The following VPS13B variants were observed in gnomAD, a reference collection of about 807,000 sequenced individuals.
VPS13B encodes intermembrane lipid transfer protein VPS13B.
VPS13B carries 285 observed loss-of-function variants against 426.4 expected under a neutral mutation model. The ratio of observed to expected loss-of-function variants is 0.67; its 90% CI spans 0.61 to 0.74. VPS13B has a LOEUF of 0.74. Among genes scored for constraint, VPS13B ranks in the 30% least tolerant of loss-of-function variants. The pLI, the probability that VPS13B is intolerant of heterozygous loss-of-function variation, is 0.00. For missense variants in VPS13B, 4,537 were observed against 4,782.6 expected, an observed-to-expected ratio of 0.95 and a Z score of 1.51; for synonymous variants, 1,676 against 1,676.4, an observed-to-expected ratio of 1.00 and a Z score of 0.01.
intron 19 of VPS13B, among the ~76,000 whole-genome samples, chr8:99,372,023 G>A (rs923873579): frequency 2.6e-5 from 4 of 151,916 alleles, no homozygotes; most frequent in African/African-American, 9.7e-5. Flanking sequence ...AGGCCGAGGC[G>A]GGCGGATCAC....
chr8:99,423,263 A>ATT (rs770430651), intron 21 of VPS13B, among the ~76,000 whole-genome samples: 1 of 145,210 alleles, frequency 6.9e-6, no homozygotes. Flanking sequence ...GTATGTGTGA[A>ATT]TTTTTTTTTT....
At chr8:99,098,555 A>C (rs984173594) in intron 4 of VPS13B, among the ~76,000 whole-genome samples, 1 of 152,078 alleles carries the variant, frequency 6.6e-6, no homozygotes, top group African/African-American at 2.4e-5. Context: ...TGTTATTTTT[A>C]GTTTTGTAAA....
chr8:99,768,423 C>A (rs1255694254), intron 40 of VPS13B, among the ~76,000 whole-genome samples: 1 of 152,172 alleles, frequency 6.6e-6, no homozygotes, highest in Non-Finnish European at 1.5e-5. Context: ...CTTTGTATTC[C>A]AGTTCCTACT....
At chr8:99,777,033 T>A in intron 41 of VPS13B, 77 bp downstream of exon 41, 1 of 1,499,504 alleles carries the variant, frequency 6.7e-7, no homozygotes, top group African/African-American at 1.4e-5. Context: ...AAAAGAGAAG[T>A]CAACAATCTT....
At chr8:99,400,912 TC>T (rs1814998792) in intron 21 of VPS13B, among the ~76,000 whole-genome samples, 1 of 152,230 alleles carries the variant, frequency 6.6e-6, no homozygotes, top group South Asian at 2.1e-4. Context: ...CCTCAAGTGA[TC>T]CGTCCATCTC....
chr8:99,405,871 C>T (rs1195145983), intron 21 of VPS13B, among the ~76,000 whole-genome samples: 1 of 151,820 alleles, frequency 6.6e-6, no homozygotes, highest in South Asian at 2.1e-4. Flanking sequence ...TTCCCACCTC[C>T]CAGTTTCAAG....
At chr8:99,697,152 G>C (rs150419969) in intron 35 of VPS13B, 288 of 539,534 alleles carry the variant, frequency 5.3e-4, no homozygotes, top group African/African-American at 4.8e-3. Flanking sequence ...GACTCTCCCA[G>C]AGATTGTGGC....
chr8:99,388,617 T>C (rs1442699704), intron 20 of VPS13B, among the ~76,000 whole-genome samples: 1 of 152,190 alleles, frequency 6.6e-6, no homozygotes, highest in African/African-American at 2.4e-5. Context: ...AAATAAATAC[T>C]ACTTATTTTG....
At position 99,540,546 on chromosome 8, in the gene VPS13B, A is replaced by C. The variant is rs532489133; in HGVS notation, c.4746-15904A>C. 5.3e-5 allele frequency among the ~76,000 whole-genome samples: 8 copies of C among 152,276 alleles called. No homozygotes were observed. The East Asian group carries it at 1.5e-3, about 29-fold the overall frequency. ...AGTTTATATTGAATGCTTTTGCCTCAGCACATATGCTAAGGTGTGAAGAAT... is the reference window on the plus strand; with the variant it reads ...AGTTTATATTGAATGCTTTTGCCTCCGCACATATGCTAAGGTGTGAAGAAT... On this transcript the variant is annotated intron_variant, in intron 30 of 61. Transcript: ENST00000357162.
chr8:99,133,904 G>C (rs1386538426), intron 8 of VPS13B, among the ~76,000 whole-genome samples: 2 of 152,190 alleles, frequency 1.3e-5, no homozygotes, highest in Admixed American at 1.3e-4. Context: ...ACCAAAATGT[G>C]ACACAGAAAC....
Position 99,640,043 on chromosome 8 carries a change from GA to G in VPS13B, c.5221-1766del, listed in dbSNP as rs1376934294. On this transcript the variant is annotated intron_variant, in intron 33 of 61. Coordinates refer to ENST00000357162, the MANE Select transcript of VPS13B (RefSeq NM_152564.5). ...ATAATAATAAGAAGAAGAAGAAGAAGAAGAAGAGAAAAGAAAAGAAAAGAAA... is the reference window on the plus strand; with the variant it reads ...ATAATAATAAGAAGAAGAAGAAGAAGAGAAGAGAAAAGAAAAGAAAAGAAA... 4.5e-3 allele frequency among the ~76,000 whole-genome samples: 370 copies of G among 82,004 alleles called. 1 individual carries two copies. Among genetic ancestry groups the G allele is most frequent in the Middle Eastern group, 0.015 (3 of 196 alleles). The allele number at this position is 82,004 out of a possible 152,430, so 53.8% of individuals were successfully genotyped here.
chr8:99,188,067 T>TTC (rs1184589486), intron 16 of VPS13B, among the ~76,000 whole-genome samples: 34 of 150,298 alleles, frequency 2.3e-4, no homozygotes, highest in South Asian at 1.7e-3. Context: ...TTTTTTTTTT[T>TTC]TTTTTTGTGA....
At chr8:99,620,782 G>A (rs1311622748) in intron 33 of VPS13B, among the ~76,000 whole-genome samples, 2 of 151,408 alleles carry the variant, frequency 1.3e-5, no homozygotes, top group East Asian at 3.9e-4. Context: ...GACCAGCCTG[G>A]CTAACCTAGT....
At chr8:99,431,475 G>A in intron 21 of VPS13B, 62 bp from the exon 22 acceptor site, 1 of 1,574,942 alleles carries the variant, frequency 6.3e-7, no homozygotes, top group East Asian at 2.3e-5. Context: ...AAATACGTTT[G>A]GTATGTTCTG....
At chr8:99,816,935 A>T (rs142190148) in intron 44 of VPS13B, among the ~76,000 whole-genome samples, 163 of 152,306 alleles carry the variant, frequency 1.1e-3, no homozygotes, top group African/African-American at 3.6e-3. Context: ...AATCAACTTC[A>T]AGGAATAGAT....
chr8:99,807,703 G>GTA (rs1244953130), intron 43 of VPS13B, among the ~76,000 whole-genome samples: 6 of 150,272 alleles, frequency 4.0e-5, no homozygotes, highest in Admixed American at 6.6e-5. Flanking sequence ...GTGTGTGTGT[G>GTA]TACGCACACG....
chr8:99,623,220 C>A (rs945441448), intron 33 of VPS13B, among the ~76,000 whole-genome samples: 1 of 152,142 alleles, frequency 6.6e-6, no homozygotes, highest in Non-Finnish European at 1.5e-5. Context: ...ATTCCTGCCA[C>A]CAGACCTTTG....
chr8:99,689,495 GC>G (rs1355468211), intron 35 of VPS13B, among the ~76,000 whole-genome samples: 1 of 152,030 alleles, frequency 6.6e-6, no homozygotes, highest in African/African-American at 2.4e-5. Flanking sequence ...GGGTGTGCTG[GC>G]CAAAGTGATC....
At chr8:99,280,953 C>T (rs1819141019) in intron 19 of VPS13B, among the ~76,000 whole-genome samples, 1 of 152,122 alleles carries the variant, frequency 6.6e-6, no homozygotes, top group African/African-American at 2.4e-5. Context: ...TCCTTAGTCT[C>T]TTTTGGCTTC....
Sources: gnomAD v4.1 joint callset for allele counts (sites outside exome capture counted in the v4.1 genomes callset) on GRCh38, gnomAD v4.1.1 for gene constraint, MANE v1.5 for transcripts, NCBI Gene and HGNC (gene_info 2026-07-23, HGNC 2026-07-21) for gene names.